The following ARHGAP28 variants were observed in gnomAD, a reference collection of about 807,000 sequenced individuals.
ARHGAP28 encodes the protein Rho GTPase activating protein 28.
ARHGAP28 carries 56 observed loss-of-function variants against 90.7 expected under a neutral mutation model. That is an observed-to-expected ratio of 0.62 (90% CI 0.50 to 0.77). The LOEUF (loss-of-function observed/expected upper bound fraction) is 0.77. Ranked by LOEUF, ARHGAP28 falls within the 30% of genes least tolerant of loss-of-function variation. The pLI is 0.00. For synonymous variants in ARHGAP28, 308 were observed against 323.3 expected (o/e 0.95, Z 0.51); for missense variants, 869 against 900.9 (o/e 0.96, Z 0.45).
At chr18:6,850,838 A>C in intron 3 of ARHGAP28, 196 bp from the exon 4 acceptor site, 1 of 1,523,274 alleles carries the variant, frequency 6.6e-7, no homozygotes. Flanking sequence ...GTTACAGTAC[A>C]TGGCATTTAT....
At chr18:6,742,333 A>G (rs1279243542) in intron 1 of ARHGAP28, among the ~76,000 whole-genome samples, 1 of 151,700 alleles carries the variant, frequency 6.6e-6, no homozygotes, top group Non-Finnish European at 1.5e-5. Context: ...TGCCCGGCTA[A>G]CTTTTTTTGT....
At chr18:6,909,251 TTTTC>T (rs1600313354) in intron 17 of ARHGAP28, among the ~76,000 whole-genome samples, 1 of 59,094 alleles carries the variant, frequency 1.7e-5, no homozygotes, top group African/African-American at 4.7e-5. Context: ...GGCTTGGGTC[TTTTC>T]TTTTCTTTTC....
At chr18:6,858,147 C>T (rs142864365) in intron 4 of ARHGAP28, among the ~76,000 whole-genome samples, 1,554 of 152,022 alleles carry the variant, frequency 0.01, 26 homozygotes, top group African/African-American at 0.036. Flanking sequence ...TAATTTAGAT[C>T]GCTTTTTTTT....
chr18:6,786,290 T>A (rs2056364110), intron 1 of ARHGAP28, among the ~76,000 whole-genome samples: 1 of 152,144 alleles, frequency 6.6e-6, no homozygotes, highest in African/African-American at 2.4e-5. Flanking sequence ...TAGTTTTTAG[T>A]AAAGAATGTT....
chr18:6,808,912 A>G (rs764894296), intron 1 of ARHGAP28, among the ~76,000 whole-genome samples: 2 of 152,234 alleles, frequency 1.3e-5, no homozygotes, highest in Admixed American at 6.5e-5. Flanking sequence ...CCTGATGGGC[A>G]TTCAGCCAGA....
intron 1 of ARHGAP28, among the ~76,000 whole-genome samples, chr18:6,808,331 G>A (rs1180452105): frequency 6.6e-6 from 1 of 151,762 alleles, no homozygotes; most frequent in Non-Finnish European, 1.5e-5. Context: ...GTATTTTAAA[G>A]CTTTAAAGGT....
chr18:6,850,537 G>T (rs1003414610), intron 3 of ARHGAP28, among the ~76,000 whole-genome samples: 1 of 152,176 alleles, frequency 6.6e-6, no homozygotes, highest in South Asian at 2.1e-4. Context: ...CTTAGTGTAT[G>T]GGCCAATTGT....
chr18:6,827,942 A>G (rs2056685333), intron 2 of ARHGAP28, among the ~76,000 whole-genome samples: 1 of 151,866 alleles, frequency 6.6e-6, no homozygotes, highest in Non-Finnish European at 1.5e-5. Context: ...CACTTCCCAG[A>G]CGGGGTGGCG....
chr18:6,730,168 G>A, intron 1 of ARHGAP28: 1 of 332,120 alleles, frequency 3.0e-6, no homozygotes, highest in Non-Finnish European at 5.1e-6. Flanking sequence ...GGCTAGCAGA[G>A]ATTAGCAAGC....
intron 1 of ARHGAP28, among the ~76,000 whole-genome samples, chr18:6,804,721 T>C (rs147673455): frequency 3.7e-4 from 57 of 152,352 alleles, no homozygotes; most frequent in African/African-American, 1.3e-3. Flanking sequence ...TTTCCAGATA[T>C]CTTTCCATTA....
chr18:6,806,877 T>C (rs1328967432), intron 1 of ARHGAP28, among the ~76,000 whole-genome samples: 1 of 152,138 alleles, frequency 6.6e-6, no homozygotes, highest in East Asian at 1.9e-4. Flanking sequence ...GATATTTTCA[T>C]TGGGTTGATA....
chr18:6,894,750 C>A, intron 14 of ARHGAP28, 85 bp from the exon 15 acceptor site: 5 of 1,113,804 alleles, frequency 4.5e-6, no homozygotes, highest in Non-Finnish European at 2.7e-6. Context: ...AAATGTTCTC[C>A]ATAAAGATTG....
chr18:6,730,790 ATC>A (rs1424603705), intron 1 of ARHGAP28, among the ~76,000 whole-genome samples: 1 of 152,190 alleles, frequency 6.6e-6, no homozygotes, highest in African/African-American at 2.4e-5. Flanking sequence ...AAATGTGACT[ATC>A]TGATCCACTG....
rs2057413528 is a variant in ARHGAP28, at chr18:6,914,446, A to T, written c.*2292A>T. On this transcript the variant is annotated 3_prime_UTR_variant, in exon 18 of 18. Transcript: ENST00000383472. The stretch of plus-strand genomic sequence containing the variant: ...TGATTCTTAATCAGAGGGCAAATTC[A>T]TTAGAGAAGAATTTTTAGTAGATAC... 1 of 152,186 alleles carries T rather than the reference A, an allele frequency of 6.6e-6. No individual in the cohort carries two copies. Among genetic ancestry groups the T allele is most frequent in the African/African-American group, 2.4e-5 (1 of 41,456 alleles). The allele number at this position is 152,186 out of a possible 1,614,324, so 9.4% of individuals were successfully genotyped here. A position where few individuals can be genotyped will look rare whatever the true frequency, so the allele number is the denominator to read the frequency against.
At position 6,912,041 on chromosome 18, in the gene ARHGAP28, ATC is replaced by A. The variant is rs747672786; in HGVS notation, c.2096-17_2096-16del. 35 of 1,524,304 alleles carry A rather than the reference ATC, an allele frequency of 2.3e-5. 1 individual carries two copies. Among genetic ancestry groups the A allele is most frequent in the Admixed American group, 5.1e-5 (3 of 58,406 alleles). 94.4% of individuals were successfully genotyped at this position (1,524,304 alleles called of 1,614,324 possible). ...CACACAAATGTACACTAATTCTCTG[ATC>A]TTTCTCTTTCTTTTAGGAGAGCATT... On this transcript the variant is annotated splice_polypyrimidine_tract_variant and intron_variant, in intron 17 of 17. Coordinates refer to ENST00000383472, the MANE Select transcript of ARHGAP28 (RefSeq NM_001366230.1).
intron 1 of ARHGAP28, among the ~76,000 whole-genome samples, chr18:6,754,020 TC>T (rs2056090227): frequency 6.6e-6 from 1 of 152,248 alleles, no homozygotes; most frequent in South Asian, 2.1e-4. Flanking sequence ...TGCAATTATT[TC>T]ATTTGTTCTT....
rs2057403354 is a variant in ARHGAP28 at position 6,912,198 on chromosome 18, G to T, written c.*44G>T. 1 of 1,184,324 alleles carries T rather than the reference G, an allele frequency of 8.4e-7. No homozygotes were observed. The highest frequency in any genetic ancestry group is 1.2e-6 in the Non-Finnish European group (1 of 822,134). 73.4% of individuals were successfully genotyped at this position (1,184,324 alleles called of 1,614,324 possible). The stretch of plus-strand genomic sequence containing the variant: ...GCTATCATGTATTATATGCCAAAAA[G>T]ATCCTACATTTTGGTAGGGAAAAAA... On this transcript the variant is annotated 3_prime_UTR_variant, in exon 18 of 18. Transcript: ENST00000383472.
chr18:6,749,652 C>T (rs576032972), intron 1 of ARHGAP28, among the ~76,000 whole-genome samples: 140 of 152,084 alleles, frequency 9.2e-4, no homozygotes, highest in Admixed American at 2.1e-3. Context: ...ATCCACAGAG[C>T]GAGAGATAGC....
chr18:6,824,093 C>G (rs962761803), intron 1 of ARHGAP28, among the ~76,000 whole-genome samples: 5 of 152,218 alleles, frequency 3.3e-5, no homozygotes, highest in African/African-American at 1.2e-4. Flanking sequence ...TTATGTCCTT[C>G]TCTGCCATCA....
Sources: allele counts gnomAD v4.1 joint callset (sites outside exome capture counted in the v4.1 genomes callset), GRCh38; gene constraint gnomAD v4.1.1; transcripts MANE v1.5; gene names NCBI Gene and HGNC (gene_info 2026-07-23, HGNC 2026-07-21).